Variants in ZFPM2 observed in about 807,000 individuals in gnomAD.
The protein encoded by ZFPM2 is zinc finger protein, FOG family member 2, also known as zinc finger protein ZFPM2.
In ZFPM2, 20 loss-of-function variants were observed where a neutral mutation model predicts 98.6. That is an observed-to-expected ratio of 0.20 (90% CI 0.14 to 0.29). The LOEUF (loss-of-function observed/expected upper bound fraction) is 0.29, where lower values mean the gene tolerates loss of function less well. ZFPM2 is among the 10% of genes least tolerant of loss of function. The pLI is 1.00. For missense variants in ZFPM2, 1,310 were observed against 1,388.6 expected (o/e 0.94, Z 0.90); for synonymous variants, 518 against 502.7 (o/e 1.03, Z -0.41).
chr8:105,707,507 C>A (rs1811291524), intron 5 of ZFPM2, among the ~76,000 whole-genome samples: 1 of 152,140 alleles, frequency 6.6e-6, no homozygotes, highest in African/African-American at 2.4e-5. Context: ...ACAACTTTCA[C>A]CTACAAGCTC....
chr8:105,767,053 T>A (rs1261744416), intron 5 of ZFPM2, among the ~76,000 whole-genome samples: 1 of 151,902 alleles, frequency 6.6e-6, no homozygotes, highest in Non-Finnish European at 1.5e-5. Context: ...AGTAACTATC[T>A]ACAGGAATTT....
chr8:105,479,491 A>C (rs975089987), intron 3 of ZFPM2, among the ~76,000 whole-genome samples: 3 of 152,188 alleles, frequency 2.0e-5, no homozygotes, highest in Non-Finnish European at 4.4e-5. Flanking sequence ...AATTCTTCCA[A>C]AACATTTACA....
chr8:105,421,690 C>T (rs1275396621), intron 2 of ZFPM2, among the ~76,000 whole-genome samples: 2 of 152,120 alleles, frequency 1.3e-5, no homozygotes, highest in Non-Finnish European at 2.9e-5. Context: ...TTGAAATTCT[C>T]AATTTTTCTC....
rs181602176 is a variant in ZFPM2, at chr8:105,420,775, C to T, written c.199+1473C>T. On this transcript the variant is annotated intron_variant, in intron 2 of 7. Transcript: ENST00000407775. ...CAATTTTTTTTCTTATTAGGAAATA[C>T]ATCCTTTTGTGCATTGTAGAAGACC... Among the ~76,000 whole-genome samples the T allele has an allele frequency of 2.1e-3, 316 of 152,090 alleles. 1 individual carries two copies. The highest frequency in any genetic ancestry group is 7.3e-3 in the African/African-American group (301 of 41,508).
intron 5 of ZFPM2, among the ~76,000 whole-genome samples, chr8:105,771,006 C>A (rs557714899): frequency 6.6e-6 from 1 of 152,104 alleles, no homozygotes; most frequent in Non-Finnish European, 1.5e-5. Flanking sequence ...TGCAGATGCT[C>A]AGGTGTGAAG....
intron 3 of ZFPM2, among the ~76,000 whole-genome samples, chr8:105,474,922 T>C (rs1197983586): frequency 6.6e-6 from 1 of 152,196 alleles, no homozygotes; most frequent in East Asian, 1.9e-4. Context: ...ACCCACTTTC[T>C]GAGCCTTAGG....
chr8:105,388,355 GAGAA>G (rs1156228615), intron 1 of ZFPM2, among the ~76,000 whole-genome samples: 2 of 152,108 alleles, frequency 1.3e-5, no homozygotes, highest in Non-Finnish European at 2.9e-5. Flanking sequence ...GGGAGGGAGA[GAGAA>G]AGAGGAGGGA....
In ZFPM2 at chr8:105,801,379, A is replaced by G. The variant is rs1254082026; in HGVS notation, c.1297A>G (p.Ser433Gly). Reference protein sequence around the residue: ...SQKAMQTKDASSDTELDKCEK... With the variant: ...SQKAMQTKDAGSDTELDKCEK... ...AAAGGCCATGCAGACTAAAGATGCG[A>G]GCTCTGACACAGAGCTGGACAAGTG... The change falls in exon 8 of 8, where the codon AGC becomes GGC. Residue 433 changes from serine to glycine, a missense_variant. Physicochemically the swap from Ser to Gly is moderately conservative, Grantham distance 56 (BLOSUM62 0). Coordinates refer to ENST00000407775, the MANE Select transcript of ZFPM2 (RefSeq NM_012082.4). 1 of 1,613,940 alleles carries G rather than the reference A, an allele frequency of 6.2e-7. No individual in the cohort carries two copies. The highest frequency in any genetic ancestry group is 1.1e-5 in the South Asian group (1 of 91,080).
At chr8:105,416,609 A>C (rs1283142556) in intron 1 of ZFPM2, among the ~76,000 whole-genome samples, 5 of 151,970 alleles carry the variant, frequency 3.3e-5, no homozygotes, top group Non-Finnish European at 7.4e-5. Context: ...ATATTCCAAA[A>C]GAAGTATATA....
At chr8:105,542,583 A>G (rs1814601656) in intron 3 of ZFPM2, among the ~76,000 whole-genome samples, 1 of 152,180 alleles carries the variant, frequency 6.6e-6, no homozygotes, top group Non-Finnish European at 1.5e-5. Context: ...CTGAAAATAC[A>G]GCGTTCATGG....
At chr8:105,440,581 G>A (rs1812217049) in intron 2 of ZFPM2, among the ~76,000 whole-genome samples, 1 of 152,136 alleles carries the variant, frequency 6.6e-6, no homozygotes, top group African/African-American at 2.4e-5. Flanking sequence ...AGTGCACAAG[G>A]TGTGGGTGGG....
At chr8:105,720,863 G>A (rs1811645731) in intron 5 of ZFPM2, among the ~76,000 whole-genome samples, 1 of 151,940 alleles carries the variant, frequency 6.6e-6, no homozygotes, top group South Asian at 2.1e-4. Context: ...CTTGGGAGAG[G>A]AGATGCATCC....
chr8:105,574,936 A>G (rs917927669), intron 4 of ZFPM2, among the ~76,000 whole-genome samples: 4 of 144,642 alleles, frequency 2.8e-5, no homozygotes, highest in African/African-American at 4.9e-5. Flanking sequence ...TTCAGCTCCT[A>G]TAGGAAAAAA....
At chr8:105,425,271 C>G (rs111389678) in intron 2 of ZFPM2, among the ~76,000 whole-genome samples, 1 of 152,042 alleles carries the variant, frequency 6.6e-6, no homozygotes, top group Non-Finnish European at 1.5e-5. Flanking sequence ...AGTTTGTATA[C>G]GCCTGGAGAA....
rs1286827704 is a variant in ZFPM2, at chr8:105,364,227, T to A, written c.40+45246T>A. Among the ~76,000 whole-genome samples, 4 of 152,238 alleles carry A rather than the reference T, an allele frequency of 2.6e-5. No homozygotes were observed. In the South Asian group the frequency reaches 8.3e-4, roughly 32 times the overall value. On this transcript the variant is annotated intron_variant, in intron 1 of 7. Transcript: ENST00000407775. ...CCTTAATTTTTATAATGTAAATTTT[T>A]ATAATGCTATAACATACTGTCTGGA...
At chr8:105,546,521 A>AT (rs1404384102) in intron 3 of ZFPM2, among the ~76,000 whole-genome samples, 1 of 151,134 alleles carries the variant, frequency 6.6e-6, no homozygotes, top group Non-Finnish European at 1.5e-5. Context: ...GTGAGCCAAG[A>AT]CAGCACCATT....
chr8:105,410,679 G>T (rs1340808622), intron 1 of ZFPM2, among the ~76,000 whole-genome samples: 1 of 151,882 alleles, frequency 6.6e-6, no homozygotes, highest in Non-Finnish European at 1.5e-5. Context: ...GATAAGAATA[G>T]TAGCAATATT....
chr8:105,728,427 A>G (rs1446622181), intron 5 of ZFPM2, among the ~76,000 whole-genome samples: 2 of 151,806 alleles, frequency 1.3e-5, no homozygotes, highest in Non-Finnish European at 2.9e-5. Flanking sequence ...ACCCAAGCTC[A>G]TGAAACTGCT....
At chr8:105,725,332 C>A (rs912619438) in intron 5 of ZFPM2, among the ~76,000 whole-genome samples, 6 of 151,740 alleles carry the variant, frequency 4.0e-5, no homozygotes, top group African/African-American at 1.2e-4. Flanking sequence ...AAAAAAAATT[C>A]TCTGATACAT....
Sources: allele counts gnomAD v4.1 joint callset (sites outside exome capture counted in the v4.1 genomes callset), GRCh38; gene constraint gnomAD v4.1.1; transcripts MANE v1.5; gene names NCBI Gene and HGNC (gene_info 2026-07-23, HGNC 2026-07-21).